EFCAB5: variants seen among roughly 807,000 people sequenced by gnomAD.
EFCAB5 encodes the protein EF-hand calcium-binding domain-containing protein 5.
Under a neutral mutation model 167.9 loss-of-function variants are expected in EFCAB5, and 131 were observed. The ratio of observed to expected loss-of-function variants is 0.78; its 90% CI spans 0.68 to 0.90. The LOEUF (loss-of-function observed/expected upper bound fraction) is 0.90. Among genes scored for constraint, EFCAB5 ranks in the 40% least tolerant of loss-of-function variants. The pLI is 0.00. For synonymous variants in EFCAB5, 574 were observed against 602.8 expected, an observed-to-expected ratio of 0.95 and a Z score of 0.70; for missense variants, 1,663 against 1,745.2, an observed-to-expected ratio of 0.95 and a Z score of 0.84.
chr17:29,947,606 T>C (rs987103210), intron 3 of EFCAB5, among the ~76,000 whole-genome samples: 1 of 152,160 alleles, frequency 6.6e-6, no homozygotes, highest in African/African-American at 2.4e-5. Context: ...CCAACACTTA[T>C]TCTGTCTTTC....
chr17:30,071,907 T>C (rs2070745986), intron 14 of EFCAB5, among the ~76,000 whole-genome samples: 1 of 152,128 alleles, frequency 6.6e-6, no homozygotes, highest in African/African-American at 2.4e-5. Context: ...AAAAGATAAA[T>C]ATTACATGTT....
chr17:30,034,248 A>G lies in EFCAB5; in HGVS notation c.1063A>G (p.Lys355Glu). 6.2e-7 allele frequency: 1 copy of G among 1,613,930 alleles called. No homozygotes were observed. The highest frequency in any genetic ancestry group is 8.5e-7 in the Non-Finnish European group (1 of 1,179,868). ...CCTGTAGTACATCTCTTCACATATT[A>G]AAGACTTGAAGAGTGAAATGTTTGA... Reference protein sequence around the residue: ...EFTEYISSHIKDLKSEMFEEL... With the variant: ...EFTEYISSHIEDLKSEMFEEL... The change falls in exon 8 of 23, where the codon AAA (lysine) becomes GAA (glutamate). Residue 355 changes from lysine to glutamate, a missense_variant. Physicochemically the swap from Lys to Glu is moderately conservative, Grantham distance 56. Transcript: ENST00000394835.
At chr17:29,991,212 A>C (rs1411433781) in intron 4 of EFCAB5, among the ~76,000 whole-genome samples, 1 of 152,176 alleles carries the variant, frequency 6.6e-6, no homozygotes, top group African/African-American at 2.4e-5. Context: ...CTGTCACTCC[A>C]GTGACCCTTC....
At chr17:30,070,340 A>C (rs954066517) in intron 14 of EFCAB5, among the ~76,000 whole-genome samples, 2 of 152,214 alleles carry the variant, frequency 1.3e-5, no homozygotes, top group Non-Finnish European at 2.9e-5. Context: ...GAAATAAAAA[A>C]AAATTCTAAA....
intron 4 of EFCAB5, among the ~76,000 whole-genome samples, chr17:29,979,409 C>T (rs1282442860): frequency 6.6e-6 from 1 of 152,102 alleles, no homozygotes; most frequent in Non-Finnish European, 1.5e-5. Context: ...ATCTGAGCTA[C>T]CCAGCATATA....
intron 19 of EFCAB5, among the ~76,000 whole-genome samples, chr17:30,087,793 C>T (rs2071117849): frequency 6.6e-6 from 1 of 152,030 alleles, no homozygotes; most frequent in African/African-American, 2.4e-5. Context: ...ATTTATATTC[C>T]TTTGGGTATA....
chr17:29,941,651 T>G lies in EFCAB5; in HGVS notation c.-146T>G. 1 of 593,770 alleles carries G rather than the reference T, an allele frequency of 1.7e-6. No individual in the cohort carries two copies. Among genetic ancestry groups the G allele is most frequent in the South Asian group, 2.4e-5 (1 of 41,746 alleles). The allele number at this position is 593,770 out of a possible 1,614,324, so 36.8% of individuals were successfully genotyped here. ...GAGAATTTATCATTCAATAGAATTG[T>G]GGGGTGAGGTGAGGGCAGGAGTGAG... On this transcript the variant is annotated 5_prime_UTR_variant, in exon 1 of 23. Transcript: ENST00000394835.
At chr17:30,073,421 A>G (rs1178666354) in intron 14 of EFCAB5, among the ~76,000 whole-genome samples, 2 of 152,130 alleles carry the variant, frequency 1.3e-5, no homozygotes. Flanking sequence ...GCAAGTACCT[A>G]TATACCCACA....
At chr17:30,021,667 G>C (rs1353332802) in intron 7 of EFCAB5, among the ~76,000 whole-genome samples, 2 of 151,870 alleles carry the variant, frequency 1.3e-5, no homozygotes, top group Admixed American at 6.6e-5. Flanking sequence ...GCTGTTACCT[G>C]AACAGAAACA....
At chr17:30,011,741 G>A (rs573135797) in intron 7 of EFCAB5, among the ~76,000 whole-genome samples, 119 of 152,258 alleles carry the variant, frequency 7.8e-4, no homozygotes, top group Middle Eastern at 3.4e-3. Flanking sequence ...ATACAATCGT[G>A]TCATCTGCAA....
At chr17:30,023,513 A>G (rs1370199502) in intron 7 of EFCAB5, among the ~76,000 whole-genome samples, 3 of 152,182 alleles carry the variant, frequency 2.0e-5, no homozygotes, top group Admixed American at 2.0e-4. Context: ...GACCAATAAC[A>G]GGCTCTGAAA....
At chr17:30,034,997 T>C (rs2151740553) in intron 8 of EFCAB5, among the ~76,000 whole-genome samples, 1 of 152,320 alleles carries the variant, frequency 6.6e-6, no homozygotes, top group South Asian at 2.1e-4. Flanking sequence ...AATGACTTTT[T>C]TAGGGCAGTT....
intron 8 of EFCAB5, among the ~76,000 whole-genome samples, chr17:30,043,618 T>A (rs1177597521): frequency 6.6e-6 from 1 of 152,218 alleles, no homozygotes; most frequent in East Asian, 1.9e-4. Flanking sequence ...GTAAATGCCA[T>A]TTACAATAAC....
chr17:30,033,318 T>A (rs1237097524), intron 7 of EFCAB5, among the ~76,000 whole-genome samples: 1 of 152,112 alleles, frequency 6.6e-6, no homozygotes, highest in Non-Finnish European at 1.5e-5. Context: ...GACCTTGTGA[T>A]CCGCCCGCCT....
chr17:30,036,293 T>C (rs1241730915), intron 8 of EFCAB5, among the ~76,000 whole-genome samples: 1 of 127,902 alleles, frequency 7.8e-6, no homozygotes, highest in African/African-American at 3.2e-5. Flanking sequence ...AATACACATA[T>C]ATAATATATA....
intron 8 of EFCAB5, among the ~76,000 whole-genome samples, chr17:30,040,941 T>C (rs552173839): frequency 6.6e-6 from 1 of 152,334 alleles, no homozygotes; most frequent in South Asian, 2.1e-4. Context: ...CATTCTCTGT[T>C]CTTCCCTGCA....
intron 1 of EFCAB5, chr17:29,929,969 G>A: frequency 6.2e-7 from 1 of 1,603,966 alleles, no homozygotes; most frequent in Non-Finnish European, 8.5e-7. Flanking sequence ...GGTGCTGGGG[G>A]TAGGTGACCG....
intron 20 of EFCAB5, 121 bp from the exon 21 acceptor site, chr17:30,091,750 T>TG: frequency 9.0e-7 from 1 of 1,106,692 alleles, no homozygotes; most frequent in Non-Finnish European, 1.3e-6. Flanking sequence ...CCAAAGGCTA[T>TG]GGTCTGCTTT....
At chr17:30,036,321 TATATAATATATAATTATATATAATAC>T in intron 8 of EFCAB5, among the ~76,000 whole-genome samples, 1 of 133,266 alleles carries the variant, frequency 7.5e-6, no homozygotes, top group Non-Finnish European at 1.6e-5. Context: ...ATAATACACA[TATATAATATATAATTATATATAATAC>T]ACATATATAA....
Sources: gnomAD v4.1 joint callset for allele counts (sites outside exome capture counted in the v4.1 genomes callset) on GRCh38, gnomAD v4.1.1 for gene constraint, MANE v1.5 for transcripts, NCBI Gene and HGNC (gene_info 2026-07-23, HGNC 2026-07-21) for gene names.